PLEKHA5: variants seen among roughly 807,000 people sequenced by gnomAD.
PLEKHA5 encodes pleckstrin homology domain containing A5, also known as pleckstrin homology domain-containing family A member 5.
PLEKHA5 carries 55 observed loss-of-function variants against 181.9 expected under a neutral mutation model. The observed-to-expected ratio is 0.30, with a 90% confidence interval of 0.24 to 0.38. PLEKHA5 has a LOEUF of 0.38. Among genes scored for constraint, PLEKHA5 ranks in the 10% least tolerant of loss-of-function variants. The pLI is 1.00. For missense variants in PLEKHA5, 1,432 were observed against 1,549.5 expected (o/e 0.92, Z 1.27); for synonymous variants, 535 against 529.4 (o/e 1.01, Z -0.15).
intron 15 of PLEKHA5, 143 bp downstream of exon 15, chr12:19,291,840 C>A: frequency 1.9e-6 from 1 of 534,124 alleles, no homozygotes; most frequent in South Asian, 2.8e-5. Flanking sequence ...AAATCTCTGA[C>A]CAGGTGGATT....
chr12:19,361,832 G>C, intron 29 of PLEKHA5, 126 bp downstream of exon 29: 1 of 794,368 alleles, frequency 1.3e-6, no homozygotes, highest in Non-Finnish European at 2.1e-6. Flanking sequence ...ATAGAATCTT[G>C]AGCAAGTTAT....
At chr12:19,356,947 C>T (rs551522423) in intron 26 of PLEKHA5, among the ~76,000 whole-genome samples, 1 of 152,114 alleles carries the variant, frequency 6.6e-6, no homozygotes, top group Admixed American at 6.5e-5. Flanking sequence ...GTGTGAGCCA[C>T]CGCGCCCGGC....
At chr12:19,344,911 C>G (rs1292427088) in intron 22 of PLEKHA5, among the ~76,000 whole-genome samples, 1 of 149,954 alleles carries the variant, frequency 6.7e-6, no homozygotes, top group African/African-American at 2.5e-5. Flanking sequence ...GAGTTCAAGA[C>G]CAACCTGGCC....
At chr12:19,247,780 G>A (rs1286113944) in intron 3 of PLEKHA5, among the ~76,000 whole-genome samples, 1 of 151,434 alleles carries the variant, frequency 6.6e-6, no homozygotes. Context: ...TAGGGGGTGA[G>A]GGCATTCGTT....
chr12:19,364,202 G>A (rs1375399023), intron 29 of PLEKHA5, among the ~76,000 whole-genome samples: 2 of 152,002 alleles, frequency 1.3e-5, no homozygotes, highest in African/African-American at 4.8e-5. Context: ...ATTTCAAGTG[G>A]GAGTCAGAGT....
chr12:19,358,276 C>T lies in PLEKHA5; in HGVS notation c.3187C>T (p.Arg1063Ter). The change falls in exon 27 of 32, where the codon CGA (arginine) becomes TGA (stop). Residue 1063 changes from arginine to a stop codon, truncating the protein, a stop_gained. Transcript: ENST00000429027. LOFTEE classifies it high-confidence loss of function. ...ACAGCTCTGTTTGGCTGAAAGTACT[C>T]GACCAAGGATGACTGTGGAAGAGCA... ...VEQLCLAEST[R>*]PRMTVEEQME... The T allele has an allele frequency of 6.2e-7, 1 of 1,613,930 alleles. No homozygotes were observed. Among genetic ancestry groups the T allele is most frequent in the Non-Finnish European group, 8.5e-7 (1 of 1,179,926 alleles).
chr12:19,184,952 G>A (rs1214693508), intron 3 of PLEKHA5, among the ~76,000 whole-genome samples: 4 of 152,244 alleles, frequency 2.6e-5, no homozygotes, highest in East Asian at 1.9e-4. Context: ...TTATATAGTC[G>A]GTGGAGGCAA....
At chr12:19,298,678 T>C (rs2080613783) in intron 15 of PLEKHA5, among the ~76,000 whole-genome samples, 1 of 152,052 alleles carries the variant, frequency 6.6e-6, no homozygotes, top group Admixed American at 6.5e-5. Context: ...CCAAAGCTTG[T>C]CATCTTTATC....
chr12:19,207,829 T>C (rs1401445568), intron 3 of PLEKHA5: 1 of 152,198 alleles, frequency 6.6e-6, no homozygotes, highest in Non-Finnish European at 1.5e-5. Flanking sequence ...GTCAGTTTGC[T>C]TTTTATCTTC....
intron 3 of PLEKHA5, among the ~76,000 whole-genome samples, chr12:19,189,392 G>A (rs1023426490): frequency 6.6e-6 from 1 of 152,206 alleles, no homozygotes; most frequent in African/African-American, 2.4e-5. Flanking sequence ...CATTTGAAGT[G>A]GAGATTTTGC....
intron 20 of PLEKHA5, among the ~76,000 whole-genome samples, chr12:19,333,889 G>A (rs1250010487): frequency 2.0e-5 from 3 of 152,186 alleles, no homozygotes; most frequent in Admixed American, 6.5e-5. Context: ...GATTACAGGC[G>A]TGAGCCACCG....
chr12:19,342,301 T>C (rs73065163), intron 21 of PLEKHA5, among the ~76,000 whole-genome samples: 14,536 of 152,106 alleles, frequency 0.096, 873 homozygotes, highest in African/African-American at 0.17. Flanking sequence ...AGAAAACCAA[T>C]GTAATCTTAT....
chr12:19,320,408 A>C, intron 17 of PLEKHA5, 154 bp from the exon 18 acceptor site: 1 of 477,862 alleles, frequency 2.1e-6, no homozygotes, highest in Non-Finnish European at 3.7e-6. Context: ...TTTGTTGATC[A>C]GTGTTTGAAT....
At position 19,173,480 on chromosome 12, in the gene PLEKHA5, A is replaced by G. The variant is rs528080345; in HGVS notation, c.227+41030A>G. Among the ~76,000 whole-genome samples the G allele has an allele frequency of 1.7e-4, 26 of 151,524 alleles. No homozygotes were observed. The South Asian group carries it at 4.2e-3, about 24-fold the overall frequency. On this transcript the variant is annotated intron_variant, in intron 3 of 31. Transcript: ENST00000429027. Reference sequence around the variant, plus strand: ...TTCTCCAAAAAAAAAAATGTGCTCCATTATCGGAGCCAGACACAGTTGAGT... The same window carrying G: ...TTCTCCAAAAAAAAAAATGTGCTCCGTTATCGGAGCCAGACACAGTTGAGT...
At chr12:19,279,563 T>G (rs2075512447) in intron 11 of PLEKHA5, among the ~76,000 whole-genome samples, 1 of 151,484 alleles carries the variant, frequency 6.6e-6, no homozygotes, top group African/African-American at 2.4e-5. Context: ...CTCGGGAGGC[T>G]GAGGCAGGAG....
chr12:19,208,348 A>C (rs2056119508), intron 3 of PLEKHA5, among the ~76,000 whole-genome samples: 1 of 152,014 alleles, frequency 6.6e-6, no homozygotes, highest in Non-Finnish European at 1.5e-5. Context: ...CGGAGGTTGC[A>C]GTGAACCGAT....
At chr12:19,240,931 C>T (rs369903248) in intron 3 of PLEKHA5, among the ~76,000 whole-genome samples, 23 of 152,212 alleles carry the variant, frequency 1.5e-4, no homozygotes, top group South Asian at 4.1e-4. Context: ...CTTTTTAACC[C>T]GCTAAAATAT....
chr12:19,322,942 C>G (rs534614337), intron 20 of PLEKHA5, among the ~76,000 whole-genome samples: 1 of 151,000 alleles, frequency 6.6e-6, no homozygotes, highest in African/African-American at 2.4e-5. Context: ...TAGCCTGAAT[C>G]TCTTGGACTC....
intron 3 of PLEKHA5, among the ~76,000 whole-genome samples, chr12:19,253,673 C>T (rs140039851): frequency 8.2e-4 from 125 of 151,852 alleles, no homozygotes; most frequent in African/African-American, 2.6e-3. Flanking sequence ...AAAAAATTAA[C>T]TGGGCGCGTG....
Sources: allele counts gnomAD v4.1 joint callset (sites outside exome capture counted in the v4.1 genomes callset), GRCh38; gene constraint gnomAD v4.1.1; transcripts MANE v1.5; gene names NCBI Gene and HGNC (gene_info 2026-07-23, HGNC 2026-07-21).